SLC24A3: variants seen among roughly 807,000 people sequenced by gnomAD.
The protein encoded by SLC24A3 is sodium/potassium/calcium exchanger 3.
A neutral mutation model predicts 75.8 loss-of-function variants in SLC24A3; 28 were observed. That is an observed-to-expected ratio of 0.37 (90% CI 0.27 to 0.51). The LOEUF (loss-of-function observed/expected upper bound fraction) is 0.51. Among genes scored for constraint, SLC24A3 ranks in the 20% least tolerant of loss-of-function variants. The pLI is 0.94. For synonymous variants in SLC24A3, 372 were observed against 334.1 expected, an observed-to-expected ratio of 1.11 and a Z score of -1.24; for missense variants, 663 against 847.8, an observed-to-expected ratio of 0.78 and a Z score of 2.71.
chr20:19,325,577 T>C (rs1383241057), intron 2 of SLC24A3, among the ~76,000 whole-genome samples: 1 of 151,642 alleles, frequency 6.6e-6, no homozygotes, highest in Admixed American at 6.6e-5. Flanking sequence ...CCTGACCACC[T>C]TCATGGGAGA....
intron 9 of SLC24A3, among the ~76,000 whole-genome samples, chr20:19,676,037 C>A (rs1280138344): frequency 6.6e-6 from 1 of 152,164 alleles, no homozygotes; most frequent in African/African-American, 2.4e-5. Context: ...CTGCTCTATG[C>A]CCAACATTAA....
In SLC24A3 at chr20:19,412,709, G is replaced by T. The variant is rs184939526; in HGVS notation, c.272-102779G>T. Among the ~76,000 whole-genome samples the T allele has an allele frequency of 2.1e-3, 325 of 152,224 alleles. 1 individual carries two copies. The highest frequency in any genetic ancestry group is 4.1e-3 in the Non-Finnish European group (276 of 68,012). On this transcript the variant is annotated intron_variant, in intron 2 of 16. Transcript: ENST00000328041. ...AAGATCTCCCACAGAATAGTATAGGGTGCATATTTTGGATGTCACTTTGAC... is the reference window on the plus strand; with the variant it reads ...AAGATCTCCCACAGAATAGTATAGGTTGCATATTTTGGATGTCACTTTGAC...
intron 2 of SLC24A3, among the ~76,000 whole-genome samples, chr20:19,504,523 C>G (rs1988433867): frequency 2.0e-5 from 3 of 152,172 alleles, no homozygotes; most frequent in Non-Finnish European, 4.4e-5. Context: ...CAATCTCATC[C>G]TTTCTGAGGG....
At chr20:19,289,359 C>G (rs1983886344) in intron 2 of SLC24A3, among the ~76,000 whole-genome samples, 1 of 152,226 alleles carries the variant, frequency 6.6e-6, no homozygotes, top group Non-Finnish European at 1.5e-5. Context: ...GACCACATGT[C>G]TAGTACTCAT....
At chr20:19,453,948 G>A (rs73128676) in intron 2 of SLC24A3, among the ~76,000 whole-genome samples, 13 of 152,346 alleles carry the variant, frequency 8.5e-5, no homozygotes, top group Admixed American at 5.9e-4. Context: ...TACTGCAAGC[G>A]TATGAGCTAA....
chr20:19,502,881 A>AAG (rs1185579691), intron 2 of SLC24A3, among the ~76,000 whole-genome samples: 1 of 150,724 alleles, frequency 6.6e-6, no homozygotes, highest in Non-Finnish European at 1.5e-5. Flanking sequence ...AAAAAAAAAA[A>AAG]AAAAAAAAAA....
At chr20:19,487,984 A>G (rs1450850076) in intron 2 of SLC24A3, among the ~76,000 whole-genome samples, 1 of 152,218 alleles carries the variant, frequency 6.6e-6, no homozygotes, top group African/African-American at 2.4e-5. Flanking sequence ...TTTGTGGCCA[A>G]ATTGAAAGAT....
intron 2 of SLC24A3, among the ~76,000 whole-genome samples, chr20:19,292,656 C>G (rs1048304519): frequency 6.6e-6 from 1 of 151,904 alleles, no homozygotes; most frequent in African/African-American, 2.4e-5. Flanking sequence ...TAGCAGTGGT[C>G]GCAGGGATGA....
chr20:19,304,933 AT>A (rs1293145792), intron 2 of SLC24A3, among the ~76,000 whole-genome samples: 1 of 151,954 alleles, frequency 6.6e-6, no homozygotes, highest in Admixed American at 6.6e-5. Flanking sequence ...CTGATGAGTT[AT>A]TTTTTTTCTT....
chr20:19,522,452 G>C (rs1422627429), intron 3 of SLC24A3, among the ~76,000 whole-genome samples: 2 of 152,186 alleles, frequency 1.3e-5, no homozygotes, highest in South Asian at 4.1e-4. Context: ...AGAAAAACAT[G>C]TATATGACCA....
intron 2 of SLC24A3, among the ~76,000 whole-genome samples, chr20:19,343,376 A>T (rs1178073447): frequency 6.6e-6 from 1 of 152,190 alleles, no homozygotes; most frequent in Non-Finnish European, 1.5e-5. Flanking sequence ...CATGTGTAAT[A>T]TGTGGATAAT....
chr20:19,415,767 C>T (rs970280068), intron 2 of SLC24A3, among the ~76,000 whole-genome samples: 7 of 152,098 alleles, frequency 4.6e-5, no homozygotes, highest in South Asian at 2.1e-4. Context: ...TTATCTCATC[C>T]TATTATATTC....
chr20:19,256,218 A>C (rs142449220), intron 1 of SLC24A3, among the ~76,000 whole-genome samples: 3 of 152,210 alleles, frequency 2.0e-5, no homozygotes, highest in African/African-American at 7.2e-5. Context: ...TGATGAATTC[A>C]TAAGCAATTC....
chr20:19,315,678 G>C lies in SLC24A3; in HGVS notation c.271+34591G>C, dbSNP rs372346619. ...GAACACAGGTGCTGGTGACTTTCAT[G>C]ATCTGTTGATGTGGATCCAGTGGCT... On this transcript the variant is annotated intron_variant, in intron 2 of 16. Coordinates refer to ENST00000328041, the MANE Select transcript of SLC24A3 (RefSeq NM_020689.4). Among the ~76,000 whole-genome samples, 3 of 152,300 alleles carry C rather than the reference G, an allele frequency of 2.0e-5. No individual in the cohort carries two copies. The South Asian group carries it at 6.2e-4, about 32-fold the overall frequency.
chr20:19,281,123 A>G (rs1230028830), intron 2 of SLC24A3, 36 bp downstream of exon 2: 5 of 1,611,378 alleles, frequency 3.1e-6, no homozygotes, highest in Non-Finnish European at 3.4e-6. Flanking sequence ...AGCAGCTGTC[A>G]TTTTCTCTGG....
At chr20:19,325,761 C>CATATATATATAT (rs1568589782) in intron 2 of SLC24A3, among the ~76,000 whole-genome samples, 1 of 44,442 alleles carries the variant, frequency 2.3e-5, no homozygotes, top group African/African-American at 1.1e-4. Context: ...TGTATACATA[C>CATATATATATAT]ATACATATAT....
chr20:19,492,690 T>G (rs1988226060), intron 2 of SLC24A3, among the ~76,000 whole-genome samples: 1 of 152,352 alleles, frequency 6.6e-6, no homozygotes, highest in Non-Finnish European at 1.5e-5. Flanking sequence ...TATATTTTCC[T>G]TAAACTCACT....
intron 2 of SLC24A3, among the ~76,000 whole-genome samples, chr20:19,282,719 G>A (rs1413932196): frequency 6.6e-6 from 1 of 152,218 alleles, no homozygotes; most frequent in African/African-American, 2.4e-5. Context: ...ACAGGACATG[G>A]TGACCAGCTC....
At chr20:19,578,182 T>A (rs1490428679) in intron 3 of SLC24A3, among the ~76,000 whole-genome samples, 2 of 152,312 alleles carry the variant, frequency 1.3e-5, no homozygotes, top group Admixed American at 6.5e-5. Flanking sequence ...GTAAAAGGCC[T>A]ATTATTGGCT....
Sources: gnomAD v4.1 joint callset for allele counts (sites outside exome capture counted in the v4.1 genomes callset) on GRCh38, gnomAD v4.1.1 for gene constraint, MANE v1.5 for transcripts, NCBI Gene and HGNC (gene_info 2026-07-23, HGNC 2026-07-21) for gene names.